The following USP32 variants were observed in gnomAD, a reference collection of about 807,000 sequenced individuals.
The protein encoded by USP32 is ubiquitin carboxyl-terminal hydrolase 32.
A neutral mutation model predicts 204.8 loss-of-function variants in USP32; 59 were observed. The observed-to-expected ratio is 0.29, with a 90% CI of 0.23 to 0.36. The LOEUF (loss-of-function observed/expected upper bound fraction) is 0.36. USP32 is among the 10% of genes least tolerant of loss of function. The probability of loss-of-function intolerance (pLI) is 1.00; values close to 1 mark genes in which losing one functional copy is unlikely to be tolerated. For synonymous variants in USP32, 517 were observed against 678.4 expected (o/e 0.76, Z 3.70); for missense variants, 1,160 against 1,946.4 (o/e 0.60, Z 7.60).
At chr17:60,282,288 C>T (rs1404175675) in intron 5 of USP32, among the ~76,000 whole-genome samples, 1 of 152,186 alleles carries the variant, frequency 6.6e-6, no homozygotes, top group Admixed American at 6.5e-5. Context: ...GACCTTAGAA[C>T]TTTGCAACTT....
At chr17:60,186,470 T>TACA (rs1406358929) in intron 29 of USP32, among the ~76,000 whole-genome samples, 1 of 152,162 alleles carries the variant, frequency 6.6e-6, no homozygotes, top group African/African-American at 2.4e-5. Context: ...CCCCACAGGG[T>TACA]ACAACTCATT....
At chr17:60,242,021 T>A (rs1325446695) in intron 11 of USP32, among the ~76,000 whole-genome samples, 2 of 152,246 alleles carry the variant, frequency 1.3e-5, no homozygotes, top group East Asian at 3.8e-4. Flanking sequence ...GTATAGGGAA[T>A]CCATTTTGAG....
At chr17:60,309,609 T>C (rs992683706) in intron 2 of USP32, among the ~76,000 whole-genome samples, 1 of 151,752 alleles carries the variant, frequency 6.6e-6, no homozygotes, top group South Asian at 2.1e-4. Flanking sequence ...CTAAAAAAAA[T>C]AAAGAAATGG....
rs530768426 is a variant in USP32, at chr17:60,280,107, A to T, written c.571+8416T>A. Among the ~76,000 whole-genome samples, 17 of 151,782 alleles carry T rather than the reference A, an allele frequency of 1.1e-4. No individual in the cohort carries two copies. In the East Asian group the frequency reaches 2.9e-3, roughly 26 times the overall value. ...TGAGTAAGTTATTATTATTATTATT[A>T]TTTTTTGAGATGGAGTTTCACTCTT... On this transcript the variant is annotated intron_variant, in intron 5 of 33. Transcript: ENST00000300896.
intron 9 of USP32, among the ~76,000 whole-genome samples, chr17:60,264,993 C>T (rs1340153256): frequency 6.6e-6 from 1 of 151,948 alleles, no homozygotes; most frequent in East Asian, 1.9e-4. Flanking sequence ...AATCACTATT[C>T]CAACTTCTAT....
intron 1 of USP32, chr17:60,421,438 G>C: frequency 4.1e-6 from 4 of 985,644 alleles, no homozygotes; most frequent in Non-Finnish European, 4.8e-6. Context: ...GGCCCGGGCC[G>C]ACGGCGGTCC....
At chr17:60,267,970 C>A (rs118080663) in intron 7 of USP32, among the ~76,000 whole-genome samples, 4 of 151,916 alleles carry the variant, frequency 2.6e-5, no homozygotes, top group Non-Finnish European at 4.4e-5. Context: ...GCCACTGCAC[C>A]CAGTTAATTT....
intron 5 of USP32, 110 bp from the exon 6 acceptor site, chr17:60,271,591 T>C: frequency 8.8e-7 from 1 of 1,135,774 alleles, no homozygotes; most frequent in Non-Finnish European, 1.2e-6. Flanking sequence ...CACAATTCAA[T>C]TGCTAAAAAA....
At chr17:60,245,574 A>G in intron 11 of USP32, 1 of 313,760 alleles carries the variant, frequency 3.2e-6, no homozygotes, top group African/African-American at 2.2e-5. Context: ...ATATCAGTGT[A>G]ACTGGTGCTG....
chr17:60,185,253 G>T (rs752397108), intron 30 of USP32, among the ~76,000 whole-genome samples: 12 of 152,174 alleles, frequency 7.9e-5, no homozygotes, highest in Non-Finnish European at 1.0e-4. Flanking sequence ...GATCTTCTAG[G>T]TTATAAGCTC....
chr17:60,282,136 C>T lies in USP32; in HGVS notation c.571+6387G>A, dbSNP rs538380031. On this transcript the variant is annotated intron_variant, in intron 5 of 33. Transcript: ENST00000300896. ...TACTGATTTATTTCAATGACTACCA[C>T]GGAAATCAATGCGCACATTGTAAGA... 1.6e-3 allele frequency among the ~76,000 whole-genome samples: 238 copies of T among 152,262 alleles called. 1 individual carries two copies. The highest frequency in any genetic ancestry group is 5.4e-3 in the African/African-American group (223 of 41,538).
chr17:60,338,464 C>T lies in USP32; in HGVS notation c.186+7017G>A, dbSNP rs193289464. On this transcript the variant is annotated intron_variant, in intron 2 of 33. Transcript: ENST00000300896. The stretch of plus-strand genomic sequence containing the variant: ...GAGTTGGTGAGGCCAGGCATGGTAG[C>T]GCACATCTGTAATCCCAGCAATTTG... 2.2e-3 allele frequency among the ~76,000 whole-genome samples: 341 copies of T among 152,162 alleles called. 5 individuals are homozygous for T. The highest frequency in any genetic ancestry group is 7.5e-3 in the African/African-American group (310 of 41,510).
chr17:60,222,202 C>T (rs1467626822), intron 15 of USP32, among the ~76,000 whole-genome samples: 1 of 152,194 alleles, frequency 6.6e-6, no homozygotes, highest in African/African-American at 2.4e-5. Flanking sequence ...ATAACACATT[C>T]AACAGCCTCC....
intron 1 of USP32, among the ~76,000 whole-genome samples, chr17:60,414,849 TTCTTTC>T: frequency 6.6e-6 from 1 of 150,510 alleles, no homozygotes; most frequent in African/African-American, 2.4e-5. Context: ...TTTCTTTTCT[TTCTTTC>T]TTTTTTTTTT....
intron 1 of USP32, among the ~76,000 whole-genome samples, chr17:60,409,396 C>G (rs1476875786): frequency 1.3e-5 from 2 of 152,150 alleles, no homozygotes; most frequent in Non-Finnish European, 2.9e-5. Context: ...CAGTATTGGC[C>G]TCTATGCACG....
intron 1 of USP32, among the ~76,000 whole-genome samples, chr17:60,401,990 A>G (rs1470584923): frequency 1.3e-5 from 2 of 152,152 alleles, no homozygotes; most frequent in African/African-American, 4.8e-5. Flanking sequence ...TGCTAGCCTC[A>G]TGGGCAACCT....
chr17:60,249,866 A>G (rs1283081027), intron 11 of USP32: 6 of 548,850 alleles, frequency 1.1e-5, no homozygotes, highest in Non-Finnish European at 2.0e-5. Context: ...TTTTTTTAAC[A>G]ACGTACTGAC....
intron 1 of USP32, among the ~76,000 whole-genome samples, chr17:60,406,232 A>G (rs2089975134): frequency 6.7e-6 from 1 of 149,536 alleles, no homozygotes; most frequent in Non-Finnish European, 1.5e-5. Flanking sequence ...TGTTCTTGTC[A>G]TCCAGGGACC....
At chr17:60,180,678 T>G (rs1465879931) in intron 32 of USP32, 41 bp from the exon 33 acceptor site, 2 of 1,587,984 alleles carry the variant, frequency 1.3e-6, no homozygotes, top group South Asian at 2.2e-5. Context: ...AGCAGTTAAC[T>G]GTACTATGGC....
Sources: allele counts gnomAD v4.1 joint callset (sites outside exome capture counted in the v4.1 genomes callset), GRCh38; gene constraint gnomAD v4.1.1; transcripts MANE v1.5; gene names NCBI Gene and HGNC (gene_info 2026-07-23, HGNC 2026-07-21).